KLHL1: variants seen among roughly 807,000 people sequenced by gnomAD.
The protein encoded by KLHL1 is kelch-like protein 1.
In KLHL1, 47 loss-of-function variants were observed where a neutral mutation model predicts 77.7. The ratio of observed to expected loss-of-function variants is 0.60; its 90% confidence interval spans 0.48 to 0.77. The LOEUF is 0.77. Among genes scored for constraint, KLHL1 ranks in the 30% least tolerant of loss-of-function variants. The pLI is 0.00. For missense variants in KLHL1, 925 were observed against 910.8 expected (o/e 1.02, Z -0.20); for synonymous variants, 360 against 325.2 (o/e 1.11, Z -1.15).
At chr13:69,909,642 T>A (rs946028961) in intron 4 of KLHL1, among the ~76,000 whole-genome samples, 1 of 152,028 alleles carries the variant, frequency 6.6e-6, no homozygotes, top group African/African-American at 2.4e-5. Context: ...AATTCTCCTA[T>A]TCATTCCATG....
At chr13:69,868,928 C>T (rs1438079994) in intron 5 of KLHL1, among the ~76,000 whole-genome samples, 2 of 152,018 alleles carry the variant, frequency 1.3e-5, no homozygotes, top group African/African-American at 4.8e-5. Context: ...CAATCATAAT[C>T]CATGAAAGTA....
chr13:70,041,054 T>A lies in KLHL1; in HGVS notation c.498-65252A>T, dbSNP rs150571855. ...AGTCAATTGAATTTTACTTTAGATA[T>A]TATATTTTTAATTGTATATTGTATA... On this transcript the variant is annotated intron_variant, in intron 1 of 10. Coordinates refer to ENST00000377844, the MANE Select transcript of KLHL1 (RefSeq NM_020866.3). Among the ~76,000 whole-genome samples, 153 of 152,284 alleles carry A rather than the reference T, an allele frequency of 1.0e-3. 3 individuals are homozygous for A. The highest frequency in any genetic ancestry group is 7.9e-3 in the East Asian group (41 of 5,188).
intron 2 of KLHL1, among the ~76,000 whole-genome samples, chr13:69,965,668 C>CT (rs1292104329): frequency 6.6e-6 from 1 of 152,144 alleles, no homozygotes. Context: ...AAAGCTAGGC[C>CT]TTTTTTGCCA....
In KLHL1 at chr13:69,719,493, C is replaced by T. The variant is rs530644820; in HGVS notation, c.1891G>A (p.Ala631Thr). The T allele has an allele frequency of 3.7e-6, 6 of 1,613,388 alleles. No homozygotes were observed. In the South Asian group the frequency reaches 6.6e-5, roughly 18 times the overall value. The change falls in exon 9 of 11, where the codon GCT becomes ACT. Residue 631 changes from alanine to threonine, a missense_variant. Physicochemically the swap from Ala to Thr is moderately conservative, Grantham distance 58 (BLOSUM62 0). Transcript: ENST00000377844. ...CCCCCTCTCCTCTTACACATGGGAG[C>T]ACACATGTTCCACTTATTTGTATGA... ...DPHTNKWNMCAPMCKRRGGVG... is the reference protein window; with the variant it reads ...DPHTNKWNMCTPMCKRRGGVG...
intron 1 of KLHL1, among the ~76,000 whole-genome samples, chr13:70,097,898 T>C (rs1163403801): frequency 6.7e-6 from 1 of 148,848 alleles, no homozygotes; most frequent in African/African-American, 2.4e-5. Flanking sequence ...TTTTTTTTTT[T>C]TCAATTTTAA....
chr13:69,961,184 A>C (rs558444792), intron 3 of KLHL1, 124 bp downstream of exon 3: 6 of 785,060 alleles, frequency 7.6e-6, no homozygotes, highest in African/African-American at 1.7e-5. Context: ...TTGATCTACT[A>C]GTTTTCAACT....
At position 69,719,593 on chromosome 13, in the gene KLHL1, ATTGG is replaced by A; in HGVS notation, c.1803-16_1803-13del. 6.3e-7 allele frequency: 1 copy of A among 1,594,702 alleles called. No homozygotes were observed. The highest frequency in any genetic ancestry group is 1.7e-5 in the Admixed American group (1 of 59,572). On this transcript the variant is annotated splice_polypyrimidine_tract_variant and intron_variant, in intron 8 of 10. Coordinates refer to ENST00000377844, the MANE Select transcript of KLHL1 (RefSeq NM_020866.3). ...CAACTGAATACAACCTAAAAACACA[ATTGG>A]AAAAATGTGATTTAATATCATAGTC...
At chr13:69,878,078 T>C (rs2138188370) in intron 5 of KLHL1, among the ~76,000 whole-genome samples, 1 of 152,238 alleles carries the variant, frequency 6.6e-6, no homozygotes, top group African/African-American at 2.4e-5. Flanking sequence ...GCACTAATCG[T>C]TCTTTTAACA....
intron 1 of KLHL1, among the ~76,000 whole-genome samples, chr13:70,029,010 A>G (rs902658929): frequency 8.6e-5 from 13 of 151,496 alleles, no homozygotes; most frequent in Admixed American, 7.9e-4. Flanking sequence ...ATTCCTGATT[A>G]GGGAACATTT....
chr13:70,029,152 T>G (rs1211289996), intron 1 of KLHL1, among the ~76,000 whole-genome samples: 1 of 152,124 alleles, frequency 6.6e-6, no homozygotes, highest in Non-Finnish European at 1.5e-5. Context: ...GTTGGGGGAC[T>G]GGTAATGCAC....
chr13:70,000,903 AG>A (rs1162056754), intron 1 of KLHL1, among the ~76,000 whole-genome samples: 3 of 148,778 alleles, frequency 2.0e-5, no homozygotes, highest in Non-Finnish European at 3.0e-5. Flanking sequence ...AATAGAAAAA[AG>A]CAAAGATAAA....
At chr13:69,731,603 C>T (rs1044637178) in intron 8 of KLHL1, among the ~76,000 whole-genome samples, 4 of 152,168 alleles carry the variant, frequency 2.6e-5, no homozygotes, top group Middle Eastern at 3.4e-3. Context: ...GTGTAAAGTT[C>T]AATAGCGAAC....
intron 7 of KLHL1, among the ~76,000 whole-genome samples, chr13:69,746,884 T>G (rs557404657): frequency 6.6e-6 from 1 of 152,158 alleles, no homozygotes; most frequent in East Asian, 1.9e-4. Context: ...ATTCCTTCCT[T>G]TCTTTCCAGG....
At chr13:69,803,712 T>C (rs1216374189) in intron 6 of KLHL1, among the ~76,000 whole-genome samples, 25 of 152,068 alleles carry the variant, frequency 1.6e-4, no homozygotes, top group African/African-American at 4.8e-5. Flanking sequence ...ATCAGAGAGT[T>C]TGAAGCATGA....
At chr13:69,858,152 C>T (rs17085537) in intron 5 of KLHL1, among the ~76,000 whole-genome samples, 48,353 of 151,858 alleles carry the variant, frequency 0.32, 8,207 homozygotes, top group African/African-American at 0.45. Flanking sequence ...CACCCAGAGA[C>T]ATTTCAGCCA....
intron 1 of KLHL1, among the ~76,000 whole-genome samples, chr13:70,035,629 C>A (rs536908671): frequency 8.6e-5 from 13 of 151,728 alleles, no homozygotes; most frequent in Middle Eastern, 6.8e-3. Flanking sequence ...CAACCATGTC[C>A]CTCTAAAACA....
chr13:69,847,296 T>C (rs1879502403), intron 5 of KLHL1, among the ~76,000 whole-genome samples: 1 of 151,112 alleles, frequency 6.6e-6, no homozygotes, highest in African/African-American at 2.4e-5. Context: ...TAAAATATCA[T>C]TTAAGAAATA....
chr13:70,075,060 G>A (rs1593722648), intron 1 of KLHL1, among the ~76,000 whole-genome samples: 1 of 152,158 alleles, frequency 6.6e-6, no homozygotes, highest in South Asian at 2.1e-4. Context: ...TTAATAGGAA[G>A]AAAAGGCATA....
intron 7 of KLHL1, among the ~76,000 whole-genome samples, chr13:69,785,171 C>T (rs565953499): frequency 2.6e-5 from 4 of 152,012 alleles, no homozygotes; most frequent in Admixed American, 6.6e-5. Context: ...GGATTACAGG[C>T]GTGAGCCACC....
Sources: allele counts gnomAD v4.1 joint callset (sites outside exome capture counted in the v4.1 genomes callset), GRCh38; gene constraint gnomAD v4.1.1; transcripts MANE v1.5; gene names NCBI Gene and HGNC (gene_info 2026-07-23, HGNC 2026-07-21).